ABCC11: variants seen among roughly 807,000 people sequenced by gnomAD.
ABCC11 encodes ATP-binding cassette sub-family C member 11.
Under a neutral mutation model 149.3 loss-of-function variants are expected in ABCC11, and 135 were observed. That is an observed-to-expected ratio of 0.90 (90% CI 0.79 to 1.04). The LOEUF (loss-of-function observed/expected upper bound fraction) is 1.04, where lower values mean the gene tolerates loss of function less well. Among genes scored for constraint, ABCC11 ranks in the 50% least tolerant of loss-of-function variants. The pLI is 0.00. For synonymous variants in ABCC11, 665 were observed against 671.4 expected (o/e 0.99, Z 0.15); for missense variants, 1,680 against 1,722.1 (o/e 0.98, Z 0.43).
chr16:48,200,419 C>T lies in ABCC11; in HGVS notation c.1939G>A (p.Ala647Thr), dbSNP rs200323911. 3.1e-4 allele frequency: 505 copies of T among 1,614,210 alleles called. 4 individuals carry two copies. In the East Asian group the frequency reaches 0.01, roughly 32 times the overall value. ...TAGATCTGACGGTCGGAATAGACGG[C>T]GCGGGCCAGGCTGATCCTCTGTTTC... The part of the protein sequence containing the change: ...GQKQRISLAR[A>T]VYSDRQIYLL... Residue 647 changes from alanine (A) to threonine (T), a missense_variant, in exon 15 of 30, where the codon GCC (alanine) becomes ACC (threonine). Physicochemically the swap from Ala to Thr is moderately conservative, Grantham distance 58 (BLOSUM62 0). Coordinates refer to ENST00000356608, the MANE Select transcript of ABCC11 (RefSeq NM_001370497.1).
intron 27 of ABCC11, 79 bp from the exon 28 acceptor site, chr16:48,170,297 G>T: frequency 1.8e-6 from 2 of 1,100,532 alleles, no homozygotes; most frequent in Non-Finnish European, 2.8e-6. Flanking sequence ...TCAATCTTCC[G>T]CTGTATTGGC....
chr16:48,242,697 C>A (rs1290240364), intron 1 of ABCC11, among the ~76,000 whole-genome samples: 2 of 152,138 alleles, frequency 1.3e-5, no homozygotes, highest in Non-Finnish European at 2.9e-5. Flanking sequence ...ACATATACAC[C>A]ATGGAATACT....
At chr16:48,210,233 G>A (rs1596779180) in intron 11 of ABCC11, 1 of 152,236 alleles carries the variant, frequency 6.6e-6, no homozygotes, top group South Asian at 2.1e-4. Flanking sequence ...ATATTAAATA[G>A]GCAGTTGAGT....
At chr16:48,220,748 T>C (rs1025810922) in intron 6 of ABCC11, among the ~76,000 whole-genome samples, 2 of 152,152 alleles carry the variant, frequency 1.3e-5, no homozygotes, top group African/African-American at 4.8e-5. Context: ...AAATACCTAA[T>C]GTTTGTTAGT....
chr16:48,194,436 C>A (rs1421732532), intron 18 of ABCC11, among the ~76,000 whole-genome samples: 1 of 152,182 alleles, frequency 6.6e-6, no homozygotes, highest in South Asian at 2.1e-4. Flanking sequence ...TTATGTGCTA[C>A]ATGCCAGGAA....
intron 1 of ABCC11, among the ~76,000 whole-genome samples, chr16:48,241,187 C>A (rs1376484459): frequency 6.6e-6 from 1 of 152,194 alleles, no homozygotes; most frequent in East Asian, 1.9e-4. Flanking sequence ...CCACCCATCT[C>A]GGCCTCCCAA....
intron 26 of ABCC11, among the ~76,000 whole-genome samples, chr16:48,174,613 T>C (rs994266460): frequency 9.2e-5 from 14 of 152,032 alleles, no homozygotes; most frequent in South Asian, 2.1e-4. Context: ...GCTGCCTGGA[T>C]TTTTCTCACA....
intron 1 of ABCC11, among the ~76,000 whole-genome samples, chr16:48,246,914 A>T (rs1289137867): frequency 1.5e-5 from 2 of 132,860 alleles, no homozygotes; most frequent in Admixed American, 8.7e-5. Context: ...CAAAGCAACA[A>T]TCCTCAATTC....
chr16:48,230,451 G>A lies in ABCC11; in HGVS notation c.222C>T (p.Phe74=). The A allele has an allele frequency of 6.2e-7, 1 of 1,608,984 alleles. No homozygotes were observed. Among genetic ancestry groups the A allele is most frequent in the Non-Finnish European group, 8.5e-7 (1 of 1,178,008 alleles). Residue 74 remains phenylalanine, a synonymous_variant, in exon 3 of 30, where the codon TTC becomes TTT. Transcript: ENST00000356608. ...TCAGGACTCACCTCGGCTTGGGACG[G>A]AAGGGAATCATGGTTCTCAAGGCAG... ...YDAALRTMIP[F]RPKPRFPAPQ...
intron 1 of ABCC11, among the ~76,000 whole-genome samples, chr16:48,241,081 C>A (rs1187538229): frequency 6.6e-6 from 1 of 152,006 alleles, no homozygotes; most frequent in African/African-American, 2.4e-5. Flanking sequence ...ATTACAGGCA[C>A]GCACCACCAC....
intron 4 of ABCC11, among the ~76,000 whole-genome samples, chr16:48,227,422 C>T (rs1438409367): frequency 2.7e-5 from 4 of 147,838 alleles, no homozygotes; most frequent in Admixed American, 6.8e-5. Context: ...TGCAGTCAGC[C>T]GAGATTGCAC....
At chr16:48,205,313 A>G (rs1162716992) in intron 13 of ABCC11, 100 bp downstream of exon 13, 1 of 1,500,600 alleles carries the variant, frequency 6.7e-7, no homozygotes, top group Non-Finnish European at 9.1e-7. Flanking sequence ...TAAGTGGAGC[A>G]CACAAGTGTT....
At chr16:48,226,657 C>T (rs1429295008) in intron 4 of ABCC11, among the ~76,000 whole-genome samples, 1 of 152,186 alleles carries the variant, frequency 6.6e-6, no homozygotes, top group Non-Finnish European at 1.5e-5. Flanking sequence ...GAGATTCTGA[C>T]TAATATCTGG....
chr16:48,205,573 G>C (rs1186399112), intron 12 of ABCC11, 36 bp from the exon 13 acceptor site: 3 of 1,609,066 alleles, frequency 1.9e-6, no homozygotes, highest in South Asian at 1.1e-5. Flanking sequence ...GGACCAATTG[G>C]GCCAAGGGAC....
chr16:48,224,318 C>T lies in ABCC11; in HGVS notation c.507G>A (p.Leu169=). The T allele has an allele frequency of 6.2e-7, 1 of 1,614,198 alleles. No individual in the cohort carries two copies. The highest frequency in any genetic ancestry group is 1.3e-5 in the African/African-American group (1 of 75,054). The part of the protein sequence containing the change: ...QRTRLIFDAL[L]GICFCIASVL... ...CACTGGCAATGCAGAAGCAGATGCC[C>T]AGAAGTGCATCGAAAATCAACCTTG... The change falls in exon 5 of 30, where the codon CTG becomes CTA. Residue 169 remains leucine, a synonymous_variant. Coordinates refer to ENST00000356608, the MANE Select transcript of ABCC11 (RefSeq NM_001370497.1).
intron 28 of ABCC11, among the ~76,000 whole-genome samples, chr16:48,167,997 G>T: frequency 6.6e-6 from 1 of 152,180 alleles, no homozygotes; most frequent in East Asian, 1.9e-4. Flanking sequence ...TCTCCAAGAA[G>T]GGGCAGGCAC....
At chr16:48,184,297 GC>G in intron 23 of ABCC11, 142 bp downstream of exon 23, 1 of 1,002,196 alleles carries the variant, frequency 1.0e-6, no homozygotes, top group South Asian at 1.8e-5. Flanking sequence ...ATTTCAGAAG[GC>G]CAAGCACATA....
Position 48,199,210 on chromosome 16 carries a change from A to G in ABCC11, c.2083-935T>C, listed in dbSNP as rs139473756. Among the ~76,000 whole-genome samples, 605 of 152,208 alleles carry G rather than the reference A, an allele frequency of 4.0e-3. 3 individuals are homozygous for G. The highest frequency in any genetic ancestry group is 7.1e-3 in the Non-Finnish European group (480 of 68,010). ...GGAATTTCTTCATGTCTAGAGATTC[A>G]TGCATACACTGTAGAAGTATGAAGA... On this transcript the variant is annotated intron_variant, in intron 15 of 29. Coordinates refer to ENST00000356608, the MANE Select transcript of ABCC11 (RefSeq NM_001370497.1).
chr16:48,165,049 G>C (rs1965291775), downstream of ABCC11: 1 of 152,120 alleles, frequency 6.6e-6, no homozygotes, highest in Non-Finnish European at 1.5e-5. Flanking sequence ...GGACGAGGCT[G>C]CCATCTGCTG....
Sources: gnomAD v4.1 joint callset for allele counts (sites outside exome capture counted in the v4.1 genomes callset) on GRCh38, gnomAD v4.1.1 for gene constraint, MANE v1.5 for transcripts, NCBI Gene and HGNC (gene_info 2026-07-23, HGNC 2026-07-21) for gene names.